The following BLTP1 variants were observed in gnomAD, a reference collection of about 807,000 sequenced individuals.
The protein encoded by BLTP1 is bridge-like lipid transfer protein family member 1, also known as fragile site-associated protein.
At chr4:122,244,985 A>C in the BLTP1 span, 15 of 1,600,784 alleles carry the variant, frequency 9.4e-6, no homozygotes, top group Non-Finnish European at 1.3e-5. Context: ...AATCAACGAC[A>C]TTTAAATATT....
At chr4:122,152,569 C>G in the BLTP1 span, 1 of 985,726 alleles carries the variant, frequency 1.0e-6, no homozygotes, top group Non-Finnish European at 1.2e-6. Context: ...TTCGGGCTGC[C>G]TCGGCACTCG....
At chr4:122,174,501 A>G in the BLTP1 span, 1 of 1,575,784 alleles carries the variant, frequency 6.3e-7, no homozygotes, top group Admixed American at 2.0e-5. Flanking sequence ...TGCTAATGTT[A>G]TTTTAAACTT....
the BLTP1 span, chr4:122,185,142 AAATT>A: frequency 1.0e-6 from 1 of 983,796 alleles, no homozygotes; most frequent in Non-Finnish European, 1.2e-6. Context: ...ATGAAGTTAT[AAATT>A]ACAGTAGATT....
chr4:122,187,140 A>G, the BLTP1 span: 1 of 984,312 alleles, frequency 1.0e-6, no homozygotes, highest in Non-Finnish European at 1.2e-6. Flanking sequence ...AGATGTAATG[A>G]CAGCATATCA....
At chr4:122,267,457 A>G in the BLTP1 span, 1 of 156,300 alleles carries the variant, frequency 6.4e-6, no homozygotes, top group Admixed American at 6.5e-5. Context: ...TTATGAACAG[A>G]TTATGAGGCC....
chr4:122,285,856 CAT>C, the BLTP1 span, among the ~76,000 whole-genome samples: 1 of 152,110 alleles, frequency 6.6e-6, no homozygotes, highest in Non-Finnish European at 1.5e-5. Context: ...CTTATGCCCT[CAT>C]AAACAGTTGG....
chr4:122,224,848 C>T, the BLTP1 span: 1 of 1,519,148 alleles, frequency 6.6e-7, no homozygotes, highest in Non-Finnish European at 8.8e-7. Flanking sequence ...GAATCAGAGA[C>T]AAGTTTGACT....
chr4:122,224,510 G>C, the BLTP1 span: 2 of 1,612,494 alleles, frequency 1.2e-6, no homozygotes, highest in Non-Finnish European at 1.7e-6. Context: ...GCGACCCCCT[G>C]TGGATGAAGT....
the BLTP1 span, chr4:122,192,491 A>T: frequency 1.4e-6 from 1 of 723,626 alleles, no homozygotes; most frequent in South Asian, 2.7e-5. Context: ...ATGGCAGAGG[A>T]AGATATCACT....
chr4:122,268,947 G>T, the BLTP1 span: 1 of 172,248 alleles, frequency 5.8e-6, no homozygotes. Context: ...TGTGCTTTAT[G>T]CAGTTTTCAC....
the BLTP1 span, chr4:122,316,378 G>T: frequency 8.4e-6 from 4 of 473,696 alleles, no homozygotes; most frequent in Admixed American, 9.4e-5. Context: ...AAGTGGAGAT[G>T]GCCACAAACT....
At chr4:122,219,547 G>A in the BLTP1 span, 2 of 1,613,502 alleles carry the variant, frequency 1.2e-6, no homozygotes, top group Non-Finnish European at 1.7e-6. Flanking sequence ...TTTGTACAAA[G>A]TTCATGGGCG....
the BLTP1 span, chr4:122,237,608 T>C: frequency 1.4e-6 from 1 of 714,136 alleles, no homozygotes; most frequent in Non-Finnish European, 1.7e-6. Flanking sequence ...ATAAAAGATT[T>C]AAAAAGAAGA....
chr4:122,339,498 A>T, the BLTP1 span: 20 of 886,812 alleles, frequency 2.3e-5, no homozygotes, highest in Non-Finnish European at 3.0e-5. Flanking sequence ...ATATTTTAAA[A>T]TATATTTGGA....
At chr4:122,154,247 C>G in the BLTP1 span, 2 of 876,836 alleles carry the variant, frequency 2.3e-6, no homozygotes, top group Non-Finnish European at 2.7e-6. Context: ...GCGATCTTGG[C>G]TCACTGCAAG....
chr4:122,170,554 A>G, the BLTP1 span: 6 of 1,422,040 alleles, frequency 4.2e-6, no homozygotes, highest in Non-Finnish European at 5.5e-6. Context: ...TTTTCCCTTA[A>G]TGATTTCTGT....
At chr4:122,183,551 G>A in the BLTP1 span, 1 of 981,988 alleles carries the variant, frequency 1.0e-6, no homozygotes, top group Non-Finnish European at 1.2e-6. Context: ...GGACTTATTT[G>A]GGCCCCAGTT....
At chr4:122,207,775 T>C in the BLTP1 span, 1 of 1,023,400 alleles carries the variant, frequency 9.8e-7, no homozygotes, top group Non-Finnish European at 1.3e-6. Context: ...GTCTACTACC[T>C]TTAGTGTCAC....
chr4:122,173,017 A>G, the BLTP1 span: 4 of 1,611,928 alleles, frequency 2.5e-6, no homozygotes, highest in East Asian at 2.2e-5. Context: ...ATTATTTCTG[A>G]TTTTTTTCCT....
Sources: gnomAD v4.1 joint callset for allele counts (sites outside exome capture counted in the v4.1 genomes callset) on GRCh38, gnomAD v4.1.1 for gene constraint, MANE v1.5 for transcripts, NCBI Gene and HGNC (gene_info 2026-07-23, HGNC 2026-07-21) for gene names.